GNB4: variants seen among roughly 807,000 people sequenced by gnomAD.
The protein encoded by GNB4 is guanine nucleotide-binding protein subunit beta-4.
In GNB4, 28 loss-of-function variants were observed where a neutral mutation model predicts 45.2. The observed-to-expected ratio is 0.62, with a 90% CI of 0.46 to 0.85. The LOEUF (loss-of-function observed/expected upper bound fraction) is 0.85, where lower values mean the gene tolerates loss of function less well. GNB4 is among the 40% of genes least tolerant of loss of function. The pLI, the probability that GNB4 is intolerant of heterozygous loss-of-function variation, is 0.00. For synonymous variants in GNB4, 132 were observed against 143.7 expected (o/e 0.92, Z 0.58); for missense variants, 321 against 425.4 (o/e 0.75, Z 2.16).
chr3:179,469,875 C>G, the GNB4 span, among the ~76,000 whole-genome samples: 39 of 152,146 alleles, frequency 2.6e-4, no homozygotes, highest in African/African-American at 9.2e-4. Context: ...CTGAAAGTGA[C>G]GGACGGCATC....
At chr3:179,402,209 G>T (rs1714324738) in intron 9 of GNB4, among the ~76,000 whole-genome samples, 1 of 152,132 alleles carries the variant, frequency 6.6e-6, no homozygotes, top group African/African-American at 2.4e-5. Flanking sequence ...AAGTCACACT[G>T]GAGAGGGAAA....
the GNB4 span, among the ~76,000 whole-genome samples, chr3:179,485,870 G>T: frequency 5.3e-5 from 8 of 152,034 alleles, no homozygotes; most frequent in African/African-American, 1.2e-4. Context: ...AACCCAGGAG[G>T]TGAAGGTTGC....
At chr3:179,410,440 T>A (rs538286473) in intron 8 of GNB4, 1 of 152,320 alleles carries the variant, frequency 6.6e-6, no homozygotes, top group East Asian at 1.9e-4. Context: ...AAGGAATGTA[T>A]TGTCTCACAG....
At chr3:179,499,155 CTTT>C in the GNB4 span, among the ~76,000 whole-genome samples, 32,952 of 110,650 alleles carry the variant, frequency 0.3, 3,434 homozygotes, top group East Asian at 0.39. Flanking sequence ...GCCACATTTT[CTTT>C]TTTTTTTTTT....
chr3:179,438,644 ACTT>A (rs914666446), intron 1 of GNB4, among the ~76,000 whole-genome samples: 19 of 152,152 alleles, frequency 1.2e-4, no homozygotes, highest in Non-Finnish European at 1.3e-4. Flanking sequence ...CAATTTAACT[ACTT>A]CTTCCTCTAC....
chr3:179,466,668 T>G, the GNB4 span, among the ~76,000 whole-genome samples: 1 of 152,218 alleles, frequency 6.6e-6, no homozygotes, highest in Non-Finnish European at 1.5e-5. Context: ...AAAATTTTAT[T>G]GAATTACAGT....
At chr3:179,413,019 A>C (rs1389488538) in intron 8 of GNB4, among the ~76,000 whole-genome samples, 1 of 152,040 alleles carries the variant, frequency 6.6e-6, no homozygotes, top group Non-Finnish European at 1.5e-5. Context: ...ATCTCTATAA[A>C]AAATACAAAA....
intron 8 of GNB4, among the ~76,000 whole-genome samples, chr3:179,411,652 T>G (rs558633928): frequency 3.9e-5 from 6 of 152,336 alleles, no homozygotes; most frequent in Non-Finnish European, 5.9e-5. Flanking sequence ...GGCTGAGAGA[T>G]AGAGAGGGTT....
chr3:179,410,732 CAT>C (rs1362434853), intron 8 of GNB4: 5 of 152,096 alleles, frequency 3.3e-5, no homozygotes, highest in Non-Finnish European at 7.4e-5. Flanking sequence ...AAGACTTCAA[CAT>C]ATAAATTTTA....
chr3:179,489,101 T>C, the GNB4 span, among the ~76,000 whole-genome samples: 418 of 141,752 alleles, frequency 2.9e-3, 2 homozygotes, highest in African/African-American at 1.0e-2. Flanking sequence ...ATTTATTTTA[T>C]CAGAAAATCA....
intron 8 of GNB4, among the ~76,000 whole-genome samples, chr3:179,407,600 TGAG>T (rs1409170515): frequency 1.3e-5 from 2 of 152,144 alleles, no homozygotes; most frequent in East Asian, 1.9e-4. Flanking sequence ...CTCCCTGAGT[TGAG>T]GAGAAAGCAC....
chr3:179,502,803 C>CA, the GNB4 span, among the ~76,000 whole-genome samples: 1 of 152,126 alleles, frequency 6.6e-6, no homozygotes, highest in Non-Finnish European at 1.5e-5. Flanking sequence ...GATTAAAACT[C>CA]AGAGTCCCAT....
chr3:179,430,595 A>G (rs1251242056), intron 1 of GNB4, among the ~76,000 whole-genome samples: 1 of 150,642 alleles, frequency 6.6e-6, no homozygotes, highest in Non-Finnish European at 1.5e-5. Flanking sequence ...CTGGGACTAC[A>G]GGCATGCATT....
chr3:179,519,292 C>G, the GNB4 span, among the ~76,000 whole-genome samples: 3 of 152,154 alleles, frequency 2.0e-5, no homozygotes, highest in South Asian at 4.1e-4. Flanking sequence ...GCCCAAAGCT[C>G]TCTGACTCCA....
chr3:179,485,000 G>GTTTTTTTTTTTTTTTTTTTTT, the GNB4 span, among the ~76,000 whole-genome samples: 1 of 124,218 alleles, frequency 8.1e-6, no homozygotes, highest in African/African-American at 3.3e-5. Context: ...AACTTTTTTC[G>GTTTTTTTTTTTTTTTTTTTTT]TTTTGTTTTT....
the GNB4 span, among the ~76,000 whole-genome samples, chr3:179,465,630 TTC>T: frequency 6.6e-6 from 1 of 152,106 alleles, no homozygotes; most frequent in East Asian, 1.9e-4. Context: ...AGGTCTTTTT[TTC>T]TTTTTTAATA....
the GNB4 span, among the ~76,000 whole-genome samples, chr3:179,492,802 G>T: frequency 0.021 from 3,170 of 152,278 alleles, 50 homozygotes; most frequent in South Asian, 0.079. Context: ...GATCCCTTCA[G>T]TTAGGTCTTT....
chr3:179,401,352 T>TGTAG, intron 9 of GNB4, 33 bp from the exon 10 acceptor site: 12 of 1,477,392 alleles, frequency 8.1e-6, no homozygotes, highest in Non-Finnish European at 1.1e-5. Flanking sequence ...AATTGGCAAT[T>TGTAG]GTAGGGTTTT....
the GNB4 span, among the ~76,000 whole-genome samples, chr3:179,496,134 A>AT: frequency 1.6e-4 from 24 of 152,160 alleles, no homozygotes; most frequent in African/African-American, 3.6e-4. Flanking sequence ...GATATCTACA[A>AT]TTTTTTTAAC....
Sources: gnomAD v4.1 joint callset for allele counts (sites outside exome capture counted in the v4.1 genomes callset) on GRCh38, gnomAD v4.1.1 for gene constraint, MANE v1.5 for transcripts, NCBI Gene and HGNC (gene_info 2026-07-23, HGNC 2026-07-21) for gene names.